Variants in DLG2 observed in about 807,000 individuals in gnomAD.
DLG2 encodes discs large MAGUK scaffold protein 2, also known as disks large homolog 2.
DLG2 carries 45 observed loss-of-function variants against 132.5 expected under a neutral mutation model. The observed-to-expected ratio is 0.34, with a 90% confidence interval of 0.27 to 0.44. The LOEUF (loss-of-function observed/expected upper bound fraction) is 0.44. DLG2 is among the 20% of genes least tolerant of loss of function. DLG2 has a pLI of 1.00. For missense variants in DLG2, 1,045 were observed against 1,196.9 expected (o/e 0.87, Z 1.87); for synonymous variants, 424 against 419.6 (o/e 1.01, Z -0.13).
chr11:84,201,822 T>C (rs1216502152), intron 8 of DLG2, among the ~76,000 whole-genome samples: 1 of 121,010 alleles, frequency 8.3e-6, no homozygotes, highest in Non-Finnish European at 1.7e-5. Flanking sequence ...TTTTTTTTTT[T>C]TTTTTTTTTT....
At chr11:83,967,495 G>A (rs902339643) in intron 12 of DLG2, among the ~76,000 whole-genome samples, 2 of 152,062 alleles carry the variant, frequency 1.3e-5, no homozygotes, top group African/African-American at 4.8e-5. Context: ...GTGATATTAA[G>A]CACCTTTTTG....
At chr11:84,526,851 T>G (rs868532950) in intron 7 of DLG2, among the ~76,000 whole-genome samples, 4 of 145,892 alleles carry the variant, frequency 2.7e-5, no homozygotes, top group African/African-American at 1.0e-4. Flanking sequence ...CAATCTCGGC[T>G]CACTGCAAGC....
chr11:85,491,470 T>G (rs1337953259), intron 3 of DLG2, among the ~76,000 whole-genome samples: 1 of 152,068 alleles, frequency 6.6e-6, no homozygotes, highest in Non-Finnish European at 1.5e-5. Context: ...AGAAAAAAGT[T>G]AAATTGTCCC....
chr11:84,286,318 G>C (rs1465699941), intron 7 of DLG2, among the ~76,000 whole-genome samples: 1 of 152,114 alleles, frequency 6.6e-6, no homozygotes, highest in Non-Finnish European at 1.5e-5. Context: ...TATAAGAGAG[G>C]TGGTTAGGGC....
chr11:84,536,851 A>G (rs2099356673), intron 6 of DLG2, among the ~76,000 whole-genome samples: 1 of 152,034 alleles, frequency 6.6e-6, no homozygotes, highest in African/African-American at 2.4e-5. Context: ...ACCCCCACCA[A>G]CACTGTCCAT....
At chr11:84,040,657 T>C (rs2096048638) in intron 11 of DLG2, among the ~76,000 whole-genome samples, 1 of 150,902 alleles carries the variant, frequency 6.6e-6, no homozygotes, top group Non-Finnish European at 1.5e-5. Flanking sequence ...GGTAGTGTGA[T>C]GCCTCCAGCT....
intron 4 of DLG2, among the ~76,000 whole-genome samples, chr11:85,254,747 T>A (rs1377682230): frequency 1.3e-5 from 2 of 152,182 alleles, no homozygotes; most frequent in Non-Finnish European, 2.9e-5. Context: ...ACGCCTGTAA[T>A]CCCAGCACTC....
At chr11:83,608,594 C>T (rs1158489688) in intron 19 of DLG2, among the ~76,000 whole-genome samples, 1 of 152,090 alleles carries the variant, frequency 6.6e-6, no homozygotes, top group African/African-American at 2.4e-5. Context: ...ACTTAAACTA[C>T]AATTTCTGGT....
chr11:83,472,621 C>A, intron 23 of DLG2, 106 bp downstream of exon 23: 1 of 939,466 alleles, frequency 1.1e-6, no homozygotes, highest in Non-Finnish European at 1.7e-6. Context: ...GACAACAGAG[C>A]ATTAAGCCGA....
intron 6 of DLG2, among the ~76,000 whole-genome samples, chr11:85,065,077 C>A (rs1036310530): frequency 6.6e-6 from 1 of 151,522 alleles, no homozygotes; most frequent in South Asian, 2.1e-4. Context: ...GTCTCCTGGT[C>A]TCTGGGCAGT....
At chr11:85,178,220 T>C (rs921439457) in intron 4 of DLG2, among the ~76,000 whole-genome samples, 1 of 152,050 alleles carries the variant, frequency 6.6e-6, no homozygotes, top group Non-Finnish European at 1.5e-5. Context: ...CAAAAGAATA[T>C]ACTTGGTTTT....
At chr11:83,901,764 CA>C (rs1307375742) in intron 15 of DLG2, among the ~76,000 whole-genome samples, 2 of 152,180 alleles carry the variant, frequency 1.3e-5, no homozygotes, top group Non-Finnish European at 2.9e-5. Context: ...GTAGCAAAGA[CA>C]AAGTCAGAAG....
intron 18 of DLG2, among the ~76,000 whole-genome samples, chr11:83,730,231 C>T (rs929517706): frequency 1.4e-5 from 2 of 145,936 alleles, no homozygotes; most frequent in African/African-American, 2.6e-5. Flanking sequence ...GCTATAATTG[C>T]ACACATTTTC....
intron 18 of DLG2, among the ~76,000 whole-genome samples, chr11:83,655,045 C>T (rs768327917): frequency 2.6e-5 from 4 of 152,190 alleles, no homozygotes; most frequent in Non-Finnish European, 2.9e-5. Context: ...ATGAAGTAGA[C>T]GCTTAATAAA....
chr11:83,465,108 G>C (rs2090776627), intron 26 of DLG2, among the ~76,000 whole-genome samples: 1 of 152,036 alleles, frequency 6.6e-6, no homozygotes, highest in Admixed American at 6.6e-5. Flanking sequence ...GCCAGCCATG[G>C]GAAAAACTCT....
intron 7 of DLG2, among the ~76,000 whole-genome samples, chr11:84,503,978 A>T (rs1431416666): frequency 5.3e-5 from 8 of 152,202 alleles, no homozygotes; most frequent in African/African-American, 1.9e-4. Flanking sequence ...TGACTTTGAA[A>T]ATCTGTCATG....
chr11:85,517,022 C>T (rs2094182834), intron 3 of DLG2, among the ~76,000 whole-genome samples: 1 of 151,668 alleles, frequency 6.6e-6, no homozygotes, highest in Admixed American at 6.6e-5. Context: ...ATATAAAAAC[C>T]CTCAAAAAAT....
chr11:84,332,216 T>C (rs538610554), intron 7 of DLG2, among the ~76,000 whole-genome samples: 1 of 150,834 alleles, frequency 6.6e-6, no homozygotes, highest in South Asian at 2.1e-4. Context: ...TTTTTTTTTT[T>C]TTTTTCTTTT....
intron 4 of DLG2, among the ~76,000 whole-genome samples, chr11:85,202,790 A>C (rs1205591270): frequency 6.6e-6 from 1 of 152,042 alleles, no homozygotes; most frequent in Non-Finnish European, 1.5e-5. Context: ...CATGCTCATG[A>C]ACAACCAATG....
Sources: allele counts gnomAD v4.1 joint callset (sites outside exome capture counted in the v4.1 genomes callset), GRCh38; gene constraint gnomAD v4.1.1; transcripts MANE v1.5; gene names NCBI Gene and HGNC (gene_info 2026-07-23, HGNC 2026-07-21).